The following GULP1 variants were observed in gnomAD, a reference collection of about 807,000 sequenced individuals.
GULP1 encodes PTB domain-containing engulfment adapter protein 1.
Under a neutral mutation model 40.9 loss-of-function variants are expected in GULP1, and 19 were observed. That is an observed-to-expected ratio of 0.46 (90% confidence interval 0.32 to 0.68). GULP1 has a LOEUF of 0.68. Ranked by LOEUF, GULP1 falls within the 30% of genes least tolerant of loss-of-function variation. GULP1 has a pLI of 0.03. For missense variants in GULP1, 312 were observed against 362.2 expected, an observed-to-expected ratio of 0.86 and a Z score of 1.12; for synonymous variants, 119 against 117.6, an observed-to-expected ratio of 1.01 and a Z score of -0.08.
intron 2 of GULP1, among the ~76,000 whole-genome samples, chr2:188,425,051 C>A (rs955207645): frequency 1.3e-5 from 2 of 151,974 alleles, no homozygotes; most frequent in Admixed American, 1.3e-4. Context: ...AATGACTTTA[C>A]TGATTTTTCA....
At chr2:188,422,323 G>T (rs1163663644) in intron 2 of GULP1, among the ~76,000 whole-genome samples, 1 of 150,970 alleles carries the variant, frequency 6.6e-6, no homozygotes, top group Non-Finnish European at 1.5e-5. Context: ...TTGATGTATT[G>T]ATTGGTTAAT....
intron 11 of GULP1, chr2:188,589,615 C>T (rs1703113295): frequency 4.5e-6 from 2 of 447,056 alleles, no homozygotes; most frequent in African/African-American, 2.1e-5. Context: ...AAGTGTGAGA[C>T]ACAATGTATT....
intron 1 of GULP1, among the ~76,000 whole-genome samples, chr2:188,344,665 G>A (rs902750863): frequency 6.6e-6 from 1 of 152,156 alleles, no homozygotes; most frequent in Non-Finnish European, 1.5e-5. Context: ...GAGCATTTCT[G>A]TGACCACTGG....
At chr2:188,341,599 G>A (rs2042974797) in intron 1 of GULP1, among the ~76,000 whole-genome samples, 2 of 151,960 alleles carry the variant, frequency 1.3e-5, no homozygotes, top group South Asian at 4.2e-4. Flanking sequence ...AGTCTCAGGG[G>A]AATTTATATC....
At chr2:188,387,737 T>A (rs1412082652) in intron 2 of GULP1, among the ~76,000 whole-genome samples, 2 of 152,080 alleles carry the variant, frequency 1.3e-5, no homozygotes, top group Admixed American at 6.6e-5. Flanking sequence ...AAAGAGAGAT[T>A]AGATATAGCA....
At chr2:188,375,636 G>A (rs887380704) in intron 1 of GULP1, among the ~76,000 whole-genome samples, 1 of 152,090 alleles carries the variant, frequency 6.6e-6, no homozygotes, top group African/African-American at 2.4e-5. Context: ...GGAGTAACAG[G>A]TAGTCTTAAA....
intron 1 of GULP1, among the ~76,000 whole-genome samples, chr2:188,330,337 T>C (rs1322699399): frequency 1.3e-5 from 2 of 152,196 alleles, no homozygotes; most frequent in Non-Finnish European, 2.9e-5. Flanking sequence ...GGTAGACATA[T>C]AAAGTATGTA....
intron 7 of GULP1, among the ~76,000 whole-genome samples, chr2:188,564,322 C>T (rs1479997023): frequency 6.6e-6 from 1 of 151,678 alleles, no homozygotes; most frequent in African/African-American, 2.4e-5. Context: ...TCTTTTTTCA[C>T]ATATATAATA....
At chr2:188,361,782 A>G (rs1255474379) in intron 1 of GULP1, among the ~76,000 whole-genome samples, 2 of 152,120 alleles carry the variant, frequency 1.3e-5, no homozygotes, top group Non-Finnish European at 1.5e-5. Context: ...TATGATGTAT[A>G]TGGTGACAAC....
chr2:188,549,334 C>T (rs1240735172), intron 7 of GULP1, among the ~76,000 whole-genome samples: 1 of 151,656 alleles, frequency 6.6e-6, no homozygotes, highest in Non-Finnish European at 1.5e-5. Context: ...AGAACATGAA[C>T]AAAAGACAAC....
intron 1 of GULP1, among the ~76,000 whole-genome samples, chr2:188,372,351 C>T (rs985790495): frequency 1.3e-5 from 2 of 151,972 alleles, no homozygotes; most frequent in African/African-American, 4.8e-5. Flanking sequence ...CTACATACAG[C>T]TTGGAAATTA....
At chr2:188,323,118 T>C (rs1416646048) in intron 1 of GULP1, among the ~76,000 whole-genome samples, 4 of 151,986 alleles carry the variant, frequency 2.6e-5, no homozygotes, top group Non-Finnish European at 5.9e-5. Context: ...TATTTGTCTG[T>C]AAATATCGAC....
At chr2:188,307,913 A>G (rs2037383951) in intron 1 of GULP1, among the ~76,000 whole-genome samples, 1 of 152,248 alleles carries the variant, frequency 6.6e-6, no homozygotes, top group Admixed American at 6.5e-5. Context: ...ACATCTAAAC[A>G]GAAAATTAGT....
intron 2 of GULP1, among the ~76,000 whole-genome samples, chr2:188,425,103 A>G (rs963086699): frequency 3.9e-5 from 6 of 152,026 alleles, no homozygotes; most frequent in African/African-American, 1.4e-4. Flanking sequence ...TTACTAACAT[A>G]CTAATTAACA....
Position 188,594,602 on chromosome 2 carries a change from T to A in GULP1, c.*591T>A, listed in dbSNP as rs1358622836. 2 of 151,788 alleles carry A rather than the reference T, an allele frequency of 1.3e-5. No homozygotes were observed. The highest frequency in any genetic ancestry group is 4.8e-5 in the African/African-American group (2 of 41,410). 9.4% of individuals were successfully genotyped at this position (151,788 alleles called of 1,614,324 possible). ...ATATAAATTCCAATAATAAACCAAA[T>A]GTATTTAGAGTATTTATTAGTAAAT... On this transcript the variant is annotated 3_prime_UTR_variant, in exon 12 of 12. Coordinates refer to ENST00000409830, the MANE Select transcript of GULP1 (RefSeq NM_016315.4).
At chr2:188,412,457 A>T (rs1290910257) in intron 2 of GULP1, among the ~76,000 whole-genome samples, 1 of 152,058 alleles carries the variant, frequency 6.6e-6, no homozygotes, top group Non-Finnish European at 1.5e-5. Flanking sequence ...GAAGAGCCCA[A>T]AGTAGCTGGT....
intron 1 of GULP1, among the ~76,000 whole-genome samples, chr2:188,306,093 C>G (rs2037036580): frequency 6.6e-6 from 1 of 152,044 alleles, no homozygotes; most frequent in Non-Finnish European, 1.5e-5. Flanking sequence ...TCTTCTTAAT[C>G]CCATTTTTCC....
chr2:188,574,753 C>T (rs1699827949), intron 9 of GULP1, among the ~76,000 whole-genome samples: 1 of 152,070 alleles, frequency 6.6e-6, no homozygotes. Context: ...GTTGAATTTC[C>T]GTAATACAAG....
chr2:188,302,295 A>G (rs909278934), intron 1 of GULP1, among the ~76,000 whole-genome samples: 18 of 152,196 alleles, frequency 1.2e-4, no homozygotes, highest in African/African-American at 4.3e-4. Context: ...AAAACTAGGA[A>G]TAATCTAACA....
Sources: allele counts gnomAD v4.1 joint callset (sites outside exome capture counted in the v4.1 genomes callset), GRCh38; gene constraint gnomAD v4.1.1; transcripts MANE v1.5; gene names NCBI Gene and HGNC (gene_info 2026-07-23, HGNC 2026-07-21).